The following POLK variants were observed in gnomAD, a reference collection of about 807,000 sequenced individuals.
POLK encodes polymerase (DNA directed) kappa.
POLK carries 76 observed loss-of-function variants against 94.0 expected under a neutral mutation model. The observed-to-expected ratio is 0.81, with a 90% CI of 0.67 to 0.98. POLK has a LOEUF of 0.98. POLK is among the 50% of genes least tolerant of loss of function. The probability of loss-of-function intolerance (pLI) is 0.00; values close to 1 mark genes in which losing one functional copy is unlikely to be tolerated. For synonymous variants in POLK, 349 were observed against 325.4 expected (o/e 1.07, Z -0.78); for missense variants, 954 against 1,010.1 (o/e 0.94, Z 0.75).
At chr5:75,587,873 A>C (rs889611550) in intron 10 of POLK, among the ~76,000 whole-genome samples, 2 of 148,586 alleles carry the variant, frequency 1.3e-5, no homozygotes, top group Non-Finnish European at 2.9e-5. Context: ...CTGAGATGGC[A>C]CCACTCACTC....
chr5:75,518,869 G>A (rs779868018), intron 1 of POLK, among the ~76,000 whole-genome samples: 1 of 152,160 alleles, frequency 6.6e-6, no homozygotes, highest in Non-Finnish European at 1.5e-5. Context: ...AATAGAGACA[G>A]CGTCTCACTT....
intron 2 of POLK, among the ~76,000 whole-genome samples, chr5:75,549,714 T>C (rs1770240353): frequency 6.6e-6 from 1 of 152,032 alleles, no homozygotes; most frequent in Admixed American, 6.6e-5. Flanking sequence ...TTTAAAACTC[T>C]TATCAGAAAA....
intron 2 of POLK, among the ~76,000 whole-genome samples, chr5:75,551,388 G>A (rs1342788835): frequency 6.6e-6 from 1 of 151,808 alleles, no homozygotes; most frequent in African/African-American, 2.4e-5. Flanking sequence ...GCAACATAAT[G>A]AGACCCCACC....
intron 5 of POLK, 94 bp from the exon 6 acceptor site, chr5:75,576,686 A>G (rs1771889955): frequency 3.7e-6 from 2 of 542,176 alleles, no homozygotes; most frequent in Admixed American, 7.9e-5. Context: ...CTGTAGTTGC[A>G]AACTAAGAAT....
At chr5:75,608,824 G>A in the POLK span, 2 of 152,214 alleles carry the variant, frequency 1.3e-5, no homozygotes, top group East Asian at 3.8e-4. Context: ...GATGAAGAAT[G>A]GAGAAGAATT....
In POLK at chr5:75,527,796, T is replaced by C. The variant is rs371061385; in HGVS notation, c.-14+15882T>C. Among the ~76,000 whole-genome samples the C allele has an allele frequency of 4.5e-4, 69 of 152,282 alleles. No individual in the cohort carries two copies. In the South Asian group the frequency reaches 0.014, roughly 30 times the overall value. On this transcript the variant is annotated intron_variant, in intron 1 of 14. Transcript: ENST00000241436. ...ACCACTTGTTAAAGAATTCCATGTG[T>C]TGCTTTTAAAATGTCTGTCTTATTA...
chr5:75,533,729 T>G (rs1345993499), intron 1 of POLK, among the ~76,000 whole-genome samples: 3 of 152,230 alleles, frequency 2.0e-5, no homozygotes, highest in East Asian at 3.8e-4. Flanking sequence ...GAGCATGGAA[T>G]ATTTTTCCAT....
At chr5:75,599,432 C>T (rs1252584154) in exon 15 of POLK, 1 of 152,012 alleles carries the variant, frequency 6.6e-6, no homozygotes, top group African/African-American at 2.4e-5. Flanking sequence ...ATTAAGAACT[C>T]ACAGACTTTG....
At chr5:75,597,317 A>ACATTGC in intron 13 of POLK, 139 bp downstream of exon 13, 1 of 609,362 alleles carries the variant, frequency 1.6e-6, no homozygotes, top group South Asian at 2.1e-5. Flanking sequence ...AATGTTGGTT[A>ACATTGC]CATTGCCATA....
At chr5:75,580,641 C>G (rs1561395013) in intron 6 of POLK, 5 of 354,842 alleles carry the variant, frequency 1.4e-5, no homozygotes, top group African/African-American at 8.8e-5. Context: ...CAAAGTGATA[C>G]TTTATAAACA....
intron 14 of POLK, 46 bp downstream of exon 14, chr5:75,597,835 T>C: frequency 7.9e-7 from 1 of 1,262,824 alleles, no homozygotes; most frequent in South Asian, 1.6e-5. Context: ...AATATGAAAA[T>C]TCAATTATTT....
At chr5:75,573,194 T>A (rs1771686335) in intron 4 of POLK, among the ~76,000 whole-genome samples, 1 of 152,084 alleles carries the variant, frequency 6.6e-6, no homozygotes, top group Non-Finnish European at 1.5e-5. Flanking sequence ...TAAAAAATGA[T>A]GAGTTCATGT....
intron 1 of POLK, among the ~76,000 whole-genome samples, chr5:75,541,239 C>T (rs1264612753): frequency 2.0e-5 from 3 of 151,892 alleles, no homozygotes; most frequent in East Asian, 3.9e-4. Context: ...TGCCGTGAGC[C>T]GATATCGCAC....
At chr5:75,533,086 T>TA (rs1769260823) in intron 1 of POLK, among the ~76,000 whole-genome samples, 1 of 152,328 alleles carries the variant, frequency 6.6e-6, no homozygotes, top group African/African-American at 2.4e-5. Flanking sequence ...CTCTTTAGTT[T>TA]AATTAGGTCC....
Position 75,583,455 on chromosome 5 carries a change from C to G in POLK, c.1059+38C>G, listed in dbSNP as rs201360565. On this transcript the variant is annotated intron_variant, in intron 8 of 14. Transcript: ENST00000241436. Reference sequence around the variant, plus strand: ...CATAAAGTTTATTTATATATGTACTCTGAATTCTGAAGAGATACTGTGTAG... The same window carrying G: ...CATAAAGTTTATTTATATATGTACTGTGAATTCTGAAGAGATACTGTGTAG... 11 of 1,341,862 alleles carry G rather than the reference C, an allele frequency of 8.2e-6. No homozygotes were observed. In the East Asian group the frequency reaches 2.3e-4, roughly 28 times the overall value. 83.1% of individuals were successfully genotyped at this position (1,341,862 alleles called of 1,614,324 possible).
chr5:75,599,551 T>A (rs1231304131), exon 15 of POLK: 1 of 152,150 alleles, frequency 6.6e-6, no homozygotes, highest in African/African-American at 2.4e-5. Context: ...CTATGGCAAA[T>A]ACAAAGTTGT....
chr5:75,584,786 G>T (rs771749538), exon 9 of POLK: 1 of 1,561,354 alleles, frequency 6.4e-7, no homozygotes, highest in East Asian at 2.3e-5. Flanking sequence ...AAGTTACAGA[G>T]AAAATGTTAA....
intron 7 of POLK, 51 bp from the exon 8 acceptor site, chr5:75,583,240 TAA>T (rs1772294469): frequency 7.2e-7 from 1 of 1,393,018 alleles, no homozygotes; most frequent in African/African-American, 1.5e-5. Flanking sequence ...ATTGCATATT[TAA>T]AAGTCATACA....
At chr5:75,558,052 G>T (rs1310859454) in intron 3 of POLK, among the ~76,000 whole-genome samples, 1 of 152,196 alleles carries the variant, frequency 6.6e-6, no homozygotes, top group Non-Finnish European at 1.5e-5. Context: ...GCCTCCAAAA[G>T]TGCTGGGATT....
Sources: allele counts gnomAD v4.1 joint callset (sites outside exome capture counted in the v4.1 genomes callset), GRCh38; gene constraint gnomAD v4.1.1; transcripts MANE v1.5; gene names NCBI Gene and HGNC (gene_info 2026-07-23, HGNC 2026-07-21).